Variants in SHF observed in about 807,000 individuals in gnomAD.
SHF encodes the protein Src homology 2 domain containing F.
In SHF, 30 loss-of-function variants were observed where a neutral mutation model predicts 42.4. That is an observed-to-expected ratio of 0.71 (90% CI 0.53 to 0.96). The LOEUF is 0.96. Among genes scored for constraint, SHF ranks in the 40% least tolerant of loss-of-function variants. The pLI, the probability that SHF is intolerant of heterozygous loss-of-function variation, is 0.00. For synonymous variants in SHF, 264 were observed against 269.9 expected (o/e 0.98, Z 0.21); for missense variants, 598 against 634.0 (o/e 0.94, Z 0.61).
chr15:45,174,610 C>T (rs1417249559), intron 3 of SHF, among the ~76,000 whole-genome samples: 1 of 152,222 alleles, frequency 6.6e-6, no homozygotes, highest in Non-Finnish European at 1.5e-5. Flanking sequence ...CCTCTCCCTA[C>T]TCCAGGCTCT....
chr15:45,197,210 C>T (rs894390862), intron 2 of SHF, among the ~76,000 whole-genome samples: 1 of 148,518 alleles, frequency 6.7e-6, no homozygotes, highest in African/African-American at 2.5e-5. Context: ...AATTGCTCCA[C>T]TGCACACCAG....
upstream of SHF, among the ~76,000 whole-genome samples, chr15:45,189,977 G>A (rs1309064832): frequency 6.6e-6 from 1 of 152,168 alleles, no homozygotes; most frequent in Non-Finnish European, 1.5e-5. Flanking sequence ...AGACAGTGCT[G>A]CTTGTATTTA....
chr15:45,200,321 G>A, intron 1 of SHF: 1 of 167,964 alleles, frequency 6.0e-6, no homozygotes, highest in Admixed American at 5.7e-5. Flanking sequence ...CAAGGGAATC[G>A]GGGTCCATTT....
At chr15:45,178,110 C>T in intron 2 of SHF, 55 bp downstream of exon 2, 3 of 1,567,936 alleles carry the variant, frequency 1.9e-6, no homozygotes, top group South Asian at 1.2e-5. Flanking sequence ...AGTCGCAAAG[C>T]CTGTTCTGCA....
At chr15:45,198,668 C>T (rs1449326601) in intron 2 of SHF, 8 of 1,445,776 alleles carry the variant, frequency 5.5e-6, no homozygotes, top group Non-Finnish European at 7.4e-6. Context: ...AACCACTATA[C>T]GATCACGGCG....
At chr15:45,186,721 T>C (rs1010721612) in intron 1 of SHF, among the ~76,000 whole-genome samples, 4 of 152,206 alleles carry the variant, frequency 2.6e-5, no homozygotes, top group Admixed American at 6.5e-5. Flanking sequence ...CTCAGCTGCT[T>C]AGCCCCATGT....
At chr15:45,190,385 A>G (rs1898679967), upstream of SHF, among the ~76,000 whole-genome samples, 1 of 152,220 alleles carries the variant, frequency 6.6e-6, no homozygotes, top group South Asian at 2.1e-4. Flanking sequence ...ATAGGTAACT[A>G]ATAAGAAATC....
chr15:45,194,625 T>C (rs956552505), intron 2 of SHF, among the ~76,000 whole-genome samples: 2 of 152,154 alleles, frequency 1.3e-5, no homozygotes, highest in Non-Finnish European at 2.9e-5. Flanking sequence ...GTGCTGGGAT[T>C]ACAGGCGTGA....
chr15:45,183,828 C>A (rs1595632050), intron 1 of SHF, among the ~76,000 whole-genome samples: 1 of 152,234 alleles, frequency 6.6e-6, no homozygotes, highest in African/African-American at 2.4e-5. Context: ...AGTGGACAGG[C>A]CTGCCATCCA....
chr15:45,195,521 T>C (rs1898837560), intron 2 of SHF, among the ~76,000 whole-genome samples: 1 of 152,238 alleles, frequency 6.6e-6, no homozygotes, highest in Admixed American at 6.5e-5. Flanking sequence ...AATGACACTT[T>C]CCTGGTTTTC....
Position 45,193,561 on chromosome 15 carries a change from T to C in SHF, c.303+5211A>G, listed in dbSNP as rs114554189. Reference sequence around the variant, plus strand: ...CAATAGGGCAGAGGAAACAATCAGATATGCATTTGTCTCAAATGCATATAA... The same window carrying C: ...CAATAGGGCAGAGGAAACAATCAGACATGCATTTGTCTCAAATGCATATAA... On this transcript the variant is annotated intron_variant, in intron 2 of 7. Coordinates refer to the SHF transcript ENST00000290894. 3.0e-3 allele frequency among the ~76,000 whole-genome samples: 463 copies of C among 152,324 alleles called. 1 individual carries two copies. The highest frequency in any genetic ancestry group is 0.011 in the African/African-American group (440 of 41,580).
chr15:45,196,956 A>T (rs1898886024), intron 2 of SHF, among the ~76,000 whole-genome samples: 1 of 151,256 alleles, frequency 6.6e-6, no homozygotes, highest in Non-Finnish European at 1.5e-5. Flanking sequence ...CCTATTAAGG[A>T]TAGTAAAAGG....
intron 2 of SHF, among the ~76,000 whole-genome samples, chr15:45,193,116 T>C (rs1033583316): frequency 6.6e-6 from 1 of 152,260 alleles, no homozygotes; most frequent in Non-Finnish European, 1.5e-5. Flanking sequence ...ATCCCCCACA[T>C]TGATGATCTA....
At chr15:45,198,115 CA>C (rs113923205) in intron 2 of SHF, among the ~76,000 whole-genome samples, 25 of 150,846 alleles carry the variant, frequency 1.7e-4, no homozygotes, top group East Asian at 3.9e-4. Context: ...AAAAAACAAA[CA>C]AAAAAAAATT....
intron 2 of SHF, among the ~76,000 whole-genome samples, chr15:45,196,565 T>C (rs1441244090): frequency 6.6e-6 from 1 of 152,104 alleles, no homozygotes; most frequent in Non-Finnish European, 1.5e-5. Flanking sequence ...GTCAGTTGCT[T>C]TTACCAACTT....
upstream of SHF, among the ~76,000 whole-genome samples, chr15:45,191,628 T>G (rs1446320471): frequency 6.6e-6 from 1 of 152,276 alleles, no homozygotes; most frequent in Non-Finnish European, 1.5e-5. Flanking sequence ...AGACAATTTG[T>G]CTTTCTTATT....
rs540486317 is a variant in SHF, at chr15:45,172,980, C to T, written c.988+596G>A. Among the ~76,000 whole-genome samples, 111 of 152,290 alleles carry T rather than the reference C, an allele frequency of 7.3e-4. 2 individuals are homozygous for T. The highest frequency in any genetic ancestry group is 2.6e-3 in the African/African-American group (110 of 41,560). ...CCCCGTGGGTCCCCAGGCACACATGCGCACGTGCACGTACGGACAGACACC... is the reference window on the plus strand; with the variant it reads ...CCCCGTGGGTCCCCAGGCACACATGTGCACGTGCACGTACGGACAGACACC... On this transcript the variant is annotated intron_variant, in intron 4 of 6. Transcript: ENST00000690270.
rs370815723 is a variant in SHF at position 45,172,165 on chromosome 15, A to T, written c.1142T>A (p.Leu381Gln). Reference sequence around the variant, plus strand: ...CACTCACACCTGGTTTTCCAGAGGCAGTGCTGGATCTGTCCACTCCCCCAG... The same window carrying T: ...CACTCACACCTGGTTTTCCAGAGGCTGTGCTGGATCTGTCCACTCCCCCAG... The part of the protein sequence containing the change: ...SPLGEWTDPA[L>Q]PLENQVWYHG... Residue 381 changes from leucine (L) to glutamine (Q), a missense_variant, in exon 5 of 7, where the codon CTG (leucine) becomes CAG (glutamine). This residue lies in a region of SHF where 439 missense variants were observed against 524.6 expected (regional missense o/e 0.84). Coordinates refer to ENST00000690270, the MANE Select transcript of SHF (RefSeq NM_001394037.1). 80 of 1,613,732 alleles carry T rather than the reference A, an allele frequency of 5.0e-5. No homozygotes were observed. The highest frequency in any genetic ancestry group is 6.3e-5 in the Non-Finnish European group (74 of 1,179,860).
chr15:45,178,090 T>C (rs1335446438), intron 2 of SHF, 75 bp downstream of exon 2: 10 of 1,535,482 alleles, frequency 6.5e-6, no homozygotes, highest in Non-Finnish European at 8.7e-6. Flanking sequence ...AATCAGTCCT[T>C]AGACTTGTGA....
Sources: gnomAD v4.1 joint callset for allele counts (sites outside exome capture counted in the v4.1 genomes callset) on GRCh38, gnomAD v4.1.1 for gene constraint, gnomAD v4.1.1 regional missense constraint, MANE v1.5 for transcripts, NCBI Gene and HGNC (gene_info 2026-07-23, HGNC 2026-07-21) for gene names.